RBFOX1: variants seen among roughly 807,000 people sequenced by gnomAD.
RBFOX1 encodes the protein RNA binding fox-1 homolog 1.
A neutral mutation model predicts 57.7 loss-of-function variants in RBFOX1; 8 were observed. That is an observed-to-expected ratio of 0.14 (90% CI 0.08 to 0.25). The LOEUF is 0.25. Among genes scored for constraint, RBFOX1 ranks in the 10% least tolerant of loss-of-function variants. RBFOX1 has a pLI of 1.00. For missense variants in RBFOX1, 611 were observed against 548.5 expected, an observed-to-expected ratio of 1.11 and a Z score of -1.14; for synonymous variants, 326 against 222.4, an observed-to-expected ratio of 1.47 and a Z score of -4.15.
chr16:7,552,553 C>T (rs1235310578), intron 5 of RBFOX1, among the ~76,000 whole-genome samples: 1 of 152,156 alleles, frequency 6.6e-6, no homozygotes, highest in East Asian at 1.9e-4. Flanking sequence ...TGAACTGAAC[C>T]TCAACTCAAT....
chr16:5,619,829 C>G (rs945418062), intron 3 of RBFOX1, among the ~76,000 whole-genome samples: 4 of 152,122 alleles, frequency 2.6e-5, no homozygotes, highest in Non-Finnish European at 5.9e-5. Flanking sequence ...GCAGTCAGAC[C>G]TGGGCAGGTC....
chr16:7,279,141 T>C (rs1333876981), intron 4 of RBFOX1, among the ~76,000 whole-genome samples: 1 of 151,872 alleles, frequency 6.6e-6, no homozygotes, highest in East Asian at 1.9e-4. Flanking sequence ...TTTCTTTTTT[T>C]TTTAAACATG....
intron 4 of RBFOX1, among the ~76,000 whole-genome samples, chr16:7,319,702 T>G (rs2096509998): frequency 1.3e-5 from 2 of 152,194 alleles, no homozygotes; most frequent in Non-Finnish European, 2.9e-5. Context: ...GTTCCTTACT[T>G]AGCAATTACA....
intron 2 of RBFOX1, among the ~76,000 whole-genome samples, chr16:6,388,155 A>C (rs1446057854): frequency 6.6e-6 from 1 of 151,784 alleles, no homozygotes. Context: ...TTTAGTAGAG[A>C]TGGAGTTTCA....
chr16:5,262,096 C>T lies in RBFOX1; in HGVS notation c.219+21991C>T, dbSNP rs532568175. Among the ~76,000 whole-genome samples, 6 of 152,232 alleles carry T rather than the reference C, an allele frequency of 3.9e-5. No homozygotes were observed. The South Asian group carries it at 1.2e-3, about 32-fold the overall frequency. ...TATTTTGAGATATCAGAGAAGGGAGCAACTAATTCTATTAATATTTGGGGT... is the reference window on the plus strand; with the variant it reads ...TATTTTGAGATATCAGAGAAGGGAGTAACTAATTCTATTAATATTTGGGGT... On this transcript the variant is annotated intron_variant, in intron 1 of 2. Coordinates refer to the RBFOX1 transcript ENST00000585867.
chr16:7,360,079 A>C (rs1314758874), intron 4 of RBFOX1, among the ~76,000 whole-genome samples: 2 of 152,208 alleles, frequency 1.3e-5, no homozygotes, highest in Non-Finnish European at 2.9e-5. Flanking sequence ...AAACAACTTA[A>C]ATATTCCCTC....
At chr16:6,671,680 G>C (rs867751542) in intron 3 of RBFOX1, among the ~76,000 whole-genome samples, 2 of 152,112 alleles carry the variant, frequency 1.3e-5, no homozygotes, top group African/African-American at 2.4e-5. Flanking sequence ...CATCCTCATA[G>C]CTTAGCTCCC....
chr16:7,002,075 C>G (rs573158367), intron 3 of RBFOX1, among the ~76,000 whole-genome samples: 1 of 151,798 alleles, frequency 6.6e-6, no homozygotes, highest in East Asian at 2.0e-4. Flanking sequence ...TCCTGGGGGA[C>G]TTTGCTCTTA....
At chr16:5,242,698 G>A (rs1267175859) in intron 1 of RBFOX1, among the ~76,000 whole-genome samples, 2 of 152,210 alleles carry the variant, frequency 1.3e-5, no homozygotes, top group African/African-American at 2.4e-5. Flanking sequence ...TTCTTTAATA[G>A]CAGATTATTT....
At chr16:6,784,638 G>C (rs978798657) in intron 3 of RBFOX1, among the ~76,000 whole-genome samples, 1 of 151,856 alleles carries the variant, frequency 6.6e-6, no homozygotes. Context: ...AGTCCATTTG[G>C]TGAGGTCGTG....
chr16:6,683,366 C>G (rs1028735242), intron 3 of RBFOX1, among the ~76,000 whole-genome samples: 2 of 151,950 alleles, frequency 1.3e-5, no homozygotes, highest in African/African-American at 4.8e-5. Flanking sequence ...AGGTGTGATT[C>G]ATGGAATTGT....
chr16:7,618,863 G>C (rs980579440), intron 10 of RBFOX1, among the ~76,000 whole-genome samples: 1 of 152,066 alleles, frequency 6.6e-6, no homozygotes, highest in Non-Finnish European at 1.5e-5. Context: ...AACTTCCATG[G>C]AATTGTTATA....
chr16:5,851,914 G>A (rs1329495435), intron 3 of RBFOX1, among the ~76,000 whole-genome samples: 1 of 152,162 alleles, frequency 6.6e-6, no homozygotes, highest in African/African-American at 2.4e-5. Flanking sequence ...TGGCTGGAGA[G>A]CAGAGGCTCC....
intron 5 of RBFOX1, among the ~76,000 whole-genome samples, chr16:7,539,759 C>G (rs1423816333): frequency 6.6e-6 from 1 of 152,148 alleles, no homozygotes. Context: ...CTTCTGCCCT[C>G]CCCAGTGAAC....
chr16:6,979,646 G>T (rs1465428041), intron 3 of RBFOX1, among the ~76,000 whole-genome samples: 1 of 152,156 alleles, frequency 6.6e-6, no homozygotes, highest in Non-Finnish European at 1.5e-5. Context: ...CTTTTGGGTT[G>T]CAGAAATAAG....
chr16:7,190,848 G>A (rs2085197528), intron 4 of RBFOX1, among the ~76,000 whole-genome samples: 1 of 152,184 alleles, frequency 6.6e-6, no homozygotes, highest in Non-Finnish European at 1.5e-5. Flanking sequence ...AGACGCACAT[G>A]ATGAACAAGG....
chr16:6,881,012 C>T (rs191826946), intron 3 of RBFOX1, among the ~76,000 whole-genome samples: 64 of 152,262 alleles, frequency 4.2e-4, no homozygotes, highest in African/African-American at 1.2e-3. Flanking sequence ...CTGAAAAATA[C>T]GTGGCCCATA....
Position 6,127,660 on chromosome 16 carries a change from T to A in RBFOX1, c.-127+107668T>A, listed in dbSNP as rs899231056. On this transcript the variant is annotated intron_variant, in intron 1 of 15. Transcript: ENST00000550418. ...CCACCCTGCGTCCCAGCAAGGACAGTTTATGGCTTTGTTCACATCATAGAT... is the reference window on the plus strand; with the variant it reads ...CCACCCTGCGTCCCAGCAAGGACAGATTATGGCTTTGTTCACATCATAGAT... Among the ~76,000 whole-genome samples the A allele has an allele frequency of 7.2e-5, 11 of 152,168 alleles. No individual in the cohort carries two copies. The East Asian group carries it at 1.9e-3, about 27-fold the overall frequency.
At chr16:6,558,624 A>G (rs1056595134) in intron 2 of RBFOX1, among the ~76,000 whole-genome samples, 2 of 152,102 alleles carry the variant, frequency 1.3e-5, no homozygotes, top group Admixed American at 1.3e-4. Context: ...TGTCATGTCA[A>G]TGTCTAGAAA....
Sources: allele counts gnomAD v4.1 joint callset (sites outside exome capture counted in the v4.1 genomes callset), GRCh38; gene constraint gnomAD v4.1.1; transcripts MANE v1.5; gene names NCBI Gene and HGNC (gene_info 2026-07-23, HGNC 2026-07-21).